The following TOM1 variants were observed in gnomAD, a reference collection of about 807,000 sequenced individuals.
TOM1 encodes target of myb1 membrane trafficking protein, also known as target of Myb protein 1.
In TOM1, 38 loss-of-function variants were observed where a neutral mutation model predicts 61.3. The ratio of observed to expected loss-of-function variants is 0.62; its 90% CI spans 0.48 to 0.81. TOM1 has a LOEUF of 0.81. Among genes scored for constraint, TOM1 ranks in the 40% least tolerant of loss-of-function variants. The pLI, the probability that TOM1 is intolerant of heterozygous loss-of-function variation, is 0.00. For synonymous variants in TOM1, 270 were observed against 268.8 expected, an observed-to-expected ratio of 1.00 and a Z score of -0.04; for missense variants, 591 against 659.6, an observed-to-expected ratio of 0.90 and a Z score of 1.14.
In TOM1 at chr22:35,345,861, G is replaced by A. The variant is rs935180752; in HGVS notation, c.1284+77G>A. 4.0e-6 allele frequency: 6 copies of A among 1,502,564 alleles called. No homozygotes were observed. In the African/African-American group the frequency reaches 5.5e-5, roughly 14 times the overall value. The allele number at this position is 1,502,564 out of a possible 1,614,324, so 93.1% of individuals were successfully genotyped here. ...ACCAAGAAATGACCCATGGGGCCAG[G>A]GTAGACTTATATAGCATATAGCACC... On this transcript the variant is annotated intron_variant, in intron 13 of 14. Coordinates refer to ENST00000449058, the MANE Select transcript of TOM1 (RefSeq NM_005488.3).
chr22:35,318,870 C>T (rs768709290), intron 2 of TOM1, among the ~76,000 whole-genome samples: 3 of 152,242 alleles, frequency 2.0e-5, no homozygotes, highest in African/African-American at 7.2e-5. Flanking sequence ...CCAGCTCTCC[C>T]GCGGCCAGTG....
intron 1 of TOM1, among the ~76,000 whole-genome samples, chr22:35,309,872 C>G (rs1926668382): frequency 6.6e-6 from 1 of 152,174 alleles, no homozygotes; most frequent in Non-Finnish European, 1.5e-5. Context: ...GCAAAACCTT[C>G]CCCAGGAGCC....
intron 7 of TOM1, among the ~76,000 whole-genome samples, chr22:35,327,891 A>G (rs1390083164): frequency 6.6e-5 from 10 of 152,096 alleles, no homozygotes; most frequent in Admixed American, 5.9e-4. Context: ...CGGGTGTCAC[A>G]TGGTATTCCC....
At chr22:35,324,986 C>T (rs1399295836) in intron 6 of TOM1, among the ~76,000 whole-genome samples, 1 of 152,218 alleles carries the variant, frequency 6.6e-6, no homozygotes, top group African/African-American at 2.4e-5. Flanking sequence ...GCCCACTGGG[C>T]CATGAGCTGC....
At chr22:35,303,273 G>A (rs976764475) in intron 1 of TOM1, among the ~76,000 whole-genome samples, 2 of 151,906 alleles carry the variant, frequency 1.3e-5, no homozygotes, top group African/African-American at 4.8e-5. Context: ...CCCCAAGCCC[G>A]ACGTTGCTCT....
At chr22:35,303,990 C>A (rs76975453) in intron 1 of TOM1, among the ~76,000 whole-genome samples, 14 of 152,112 alleles carry the variant, frequency 9.2e-5, no homozygotes, top group African/African-American at 3.4e-4. Context: ...AGGAAAGTAA[C>A]ATTTTGTGAG....
chr22:35,327,584 A>ACACC (rs759198959), intron 7 of TOM1, among the ~76,000 whole-genome samples, 197 bp downstream of exon 7: 2 of 152,206 alleles, frequency 1.3e-5, no homozygotes, highest in African/African-American at 2.4e-5. Context: ...TCTGGTTTGA[A>ACACC]CAAAGTAGCC....
intron 1 of TOM1, 60 bp from the exon 2 acceptor site, chr22:35,317,817 G>T: frequency 7.5e-7 from 1 of 1,329,048 alleles, no homozygotes; most frequent in Non-Finnish European, 1.1e-6. Flanking sequence ...TCCCACCCAC[G>T]GTTTGAGTTT....
At chr22:35,342,449 C>G (rs1008356888) in intron 12 of TOM1, among the ~76,000 whole-genome samples, 3 of 152,048 alleles carry the variant, frequency 2.0e-5, no homozygotes, top group Admixed American at 2.0e-4. Context: ...GTTGGATAAA[C>G]TGATGTTTCT....
At chr22:35,304,523 G>T (rs1436041648) in intron 1 of TOM1, among the ~76,000 whole-genome samples, 3 of 152,148 alleles carry the variant, frequency 2.0e-5, no homozygotes, top group Non-Finnish European at 2.9e-5. Flanking sequence ...CTGTCGCCCA[G>T]GCGGGAGTGC....
rs761645107 is a variant in TOM1 at position 35,327,339 on chromosome 22, G to A, written c.717G>A (p.Thr239=). 6.1e-5 allele frequency: 98 copies of A among 1,613,854 alleles called. No homozygotes were observed. The East Asian group carries it at 1.2e-3, about 21-fold the overall frequency. ...GNVRVMSEML[T]ELVPTQAEPA... The stretch of plus-strand genomic sequence containing the variant: ...TGAGGGTGATGTCGGAGATGCTGAC[G>A]GAGCTGGTGCCCACCCAGGCCGAGC... Residue 239 remains threonine (T), a synonymous_variant, in exon 7 of 15, where the codon ACG becomes ACA. Transcript: ENST00000449058.
intron 12 of TOM1, among the ~76,000 whole-genome samples, chr22:35,342,191 G>A (rs1168700240): frequency 1.3e-5 from 2 of 152,092 alleles, no homozygotes; most frequent in South Asian, 2.1e-4. Flanking sequence ...CCAGGTTTGC[G>A]CCCTGGGATT....
At chr22:35,340,715 C>T (rs5755700) in intron 12 of TOM1, among the ~76,000 whole-genome samples, 3 of 151,960 alleles carry the variant, frequency 2.0e-5, no homozygotes, top group East Asian at 3.9e-4. Context: ...CTACGACACT[C>T]CAGCCTGGGC....
At position 35,323,426 on chromosome 22, in the gene TOM1, T is replaced by C. The variant is rs1054386829; in HGVS notation, c.367-70T>C. 3 of 1,566,242 alleles carry C rather than the reference T, an allele frequency of 1.9e-6. No individual in the cohort carries two copies. Among genetic ancestry groups the C allele is most frequent in the Non-Finnish European group, 2.6e-6 (3 of 1,154,588 alleles). ...GCAGGGAAAGAATGTCTGTTCTCTG[T>C]CTGAGTGCCAGGTGGGCAGGCTCAC... On this transcript the variant is annotated intron_variant, in intron 4 of 14. Transcript: ENST00000449058. The surrounding 1 kb of genome is among the most constrained non-coding windows in gnomAD (Gnocchi z 4.2).
Position 35,323,508 on chromosome 22 carries a change from G to A in TOM1, c.379G>A (p.Ala127Thr), listed in dbSNP as rs926916292. The A allele has an allele frequency of 9.3e-6, 15 of 1,614,008 alleles. No individual in the cohort carries two copies. The highest frequency in any genetic ancestry group is 8.0e-5 in the African/African-American group (6 of 74,914). Residue 127 changes from alanine to threonine, a missense_variant, in exon 5 of 15, where the codon GCG becomes ACG. By Grantham distance (58) the Ala-to-Thr change is moderately conservative (BLOSUM62 0). Transcript: ENST00000449058. This position sits in a 1 kb window ranked among gnomAD's most constrained non-coding sequence, Gnocchi z 4.2. ...TGTCCCCTCTCAGTCCTGGGCTGAC[G>A]CGTTCCGCAGCTCGCCCGATCTGAC... ...VLNLIQSWAD[A>T]FRSSPDLTGV...
intron 7 of TOM1, among the ~76,000 whole-genome samples, chr22:35,330,104 C>T (rs1263131290): frequency 6.6e-6 from 1 of 151,996 alleles, no homozygotes; most frequent in African/African-American, 2.4e-5. Flanking sequence ...ATGGCGAAAC[C>T]CCGTCTCTAC....
At chr22:35,324,464 GAA>G (rs1459988992) in intron 6 of TOM1, among the ~76,000 whole-genome samples, 4 of 148,166 alleles carry the variant, frequency 2.7e-5, no homozygotes, top group Admixed American at 2.7e-4. Flanking sequence ...GGTTCTGCCT[GAA>G]AAGTTTTCAA....
intron 1 of TOM1, among the ~76,000 whole-genome samples, chr22:35,314,705 C>T (rs557739449): frequency 1.8e-4 from 27 of 151,952 alleles, no homozygotes; most frequent in Non-Finnish European, 3.1e-4. Flanking sequence ...AGGAGAGGGC[C>T]AACTCCCTGT....
chr22:35,301,271 T>A (rs759777404), intron 1 of TOM1, among the ~76,000 whole-genome samples: 6 of 151,512 alleles, frequency 4.0e-5, no homozygotes, highest in Non-Finnish European at 8.8e-5. Context: ...CACATATATA[T>A]AAAAATATAC....
Sources: allele counts gnomAD v4.1 joint callset (sites outside exome capture counted in the v4.1 genomes callset), GRCh38; gene constraint gnomAD v4.1.1; non-coding constraint Gnocchi (gnomAD v3.1); transcripts MANE v1.5; gene names NCBI Gene and HGNC (gene_info 2026-07-23, HGNC 2026-07-21).